Variants in SEMA3E observed in about 807,000 individuals in gnomAD.
The protein encoded by SEMA3E is semaphorin-3E.
In SEMA3E, 49 loss-of-function variants were observed where a neutral mutation model predicts 93.6. The ratio of observed to expected loss-of-function variants is 0.52; its 90% confidence interval spans 0.42 to 0.66. The LOEUF (loss-of-function observed/expected upper bound fraction) is 0.66. SEMA3E is among the 30% of genes least tolerant of loss of function. SEMA3E has a pLI of 0.00. For synonymous variants in SEMA3E, 363 were observed against 330.7 expected, an observed-to-expected ratio of 1.10 and a Z score of -1.06; for missense variants, 906 against 964.8, an observed-to-expected ratio of 0.94 and a Z score of 0.81.
At position 83,423,629 on chromosome 7, in the gene SEMA3E, G is replaced by T. The variant is rs1193443445; in HGVS notation, c.457-5146C>A. Among the ~76,000 whole-genome samples the T allele has an allele frequency of 2.0e-5, 3 of 149,956 alleles. No homozygotes were observed. The Admixed American group carries it at 2.0e-4, about 10-fold the overall frequency. On this transcript the variant is annotated intron_variant, in intron 4 of 16. Transcript: ENST00000643230. ...TGCCATTCTCCTGCCTCAGCCTCCC[G>T]AGTAGCTGGGACTACAGACGCCCAC...
At chr7:83,583,519 A>G (rs1176273823) in intron 1 of SEMA3E, among the ~76,000 whole-genome samples, 3 of 152,082 alleles carry the variant, frequency 2.0e-5, no homozygotes, top group Admixed American at 6.6e-5. Context: ...TCTGCTTACC[A>G]TTCGTTCACT....
intron 11 of SEMA3E, 150 bp downstream of exon 11, chr7:83,399,878 T>C: frequency 1.4e-6 from 1 of 703,892 alleles, no homozygotes; most frequent in Admixed American, 2.2e-5. Flanking sequence ...ACATGAGGTC[T>C]CTATTTCAAT....
At chr7:83,587,622 A>G (rs2115933033) in intron 1 of SEMA3E, among the ~76,000 whole-genome samples, 1 of 152,146 alleles carries the variant, frequency 6.6e-6, no homozygotes, top group South Asian at 2.1e-4. Flanking sequence ...TAGTAGAAAA[A>G]AACTAAAAAC....
chr7:83,513,974 T>C (rs978805800), intron 1 of SEMA3E, among the ~76,000 whole-genome samples: 4 of 152,072 alleles, frequency 2.6e-5, no homozygotes, highest in African/African-American at 9.7e-5. Flanking sequence ...CAGGATGAGA[T>C]AGGAGGTCAG....
intron 4 of SEMA3E, among the ~76,000 whole-genome samples, chr7:83,442,861 T>C (rs1344566866): frequency 2.6e-5 from 4 of 152,154 alleles, no homozygotes; most frequent in Admixed American, 6.5e-5. Flanking sequence ...GTATTTGAAC[T>C]TTAGCACTTT....
intron 10 of SEMA3E, among the ~76,000 whole-genome samples, chr7:83,401,109 A>C (rs534970750): frequency 6.6e-6 from 1 of 152,274 alleles, no homozygotes; most frequent in East Asian, 1.9e-4. Flanking sequence ...TTGACAAAAT[A>C]AACTGGGAAA....
intron 1 of SEMA3E, among the ~76,000 whole-genome samples, chr7:83,590,122 CA>C (rs942923431): frequency 1.2e-4 from 19 of 152,126 alleles, no homozygotes; most frequent in African/African-American, 4.6e-4. Context: ...TCTTAAGATA[CA>C]AGATTAGTAA....
chr7:83,495,055 T>C (rs1371073586), intron 1 of SEMA3E, among the ~76,000 whole-genome samples: 1 of 151,924 alleles, frequency 6.6e-6, no homozygotes, highest in African/African-American at 2.4e-5. Flanking sequence ...TCTGTCTTTA[T>C]CCATGAACAA....
intron 4 of SEMA3E, among the ~76,000 whole-genome samples, chr7:83,434,759 G>A (rs1178194981): frequency 6.9e-6 from 1 of 144,100 alleles, no homozygotes. Flanking sequence ...TGTCGCCCAG[G>A]CTGGAGTGCA....
chr7:83,436,373 A>G (rs1395446254), intron 4 of SEMA3E, among the ~76,000 whole-genome samples: 1 of 151,502 alleles, frequency 6.6e-6, no homozygotes, highest in African/African-American at 2.4e-5. Context: ...AAGAATCAAG[A>G]TTTTTTATAA....
intron 2 of SEMA3E, among the ~76,000 whole-genome samples, chr7:83,481,704 G>A (rs1790149090): frequency 6.6e-6 from 1 of 152,118 alleles, no homozygotes; most frequent in Non-Finnish European, 1.5e-5. Flanking sequence ...GAAAGAGTAT[G>A]ATCACATGGT....
intron 1 of SEMA3E, among the ~76,000 whole-genome samples, chr7:83,525,455 CAT>C (rs1791136241): frequency 6.6e-6 from 1 of 152,002 alleles, no homozygotes; most frequent in African/African-American, 2.4e-5. Flanking sequence ...ACTTCTCTCA[CAT>C]ATGTTCTGTT....
intron 1 of SEMA3E, among the ~76,000 whole-genome samples, chr7:83,629,589 T>C (rs781405966): frequency 6.6e-6 from 1 of 152,166 alleles, no homozygotes; most frequent in Non-Finnish European, 1.5e-5. Flanking sequence ...GTGTTTATAC[T>C]GTGAAGGGAA....
intron 1 of SEMA3E, among the ~76,000 whole-genome samples, chr7:83,632,069 C>T (rs977984322): frequency 6.6e-6 from 1 of 151,360 alleles, no homozygotes; most frequent in Non-Finnish European, 1.5e-5. Context: ...GCAGGAGAAT[C>T]GCTTGAACCT....
At chr7:83,612,175 T>A (rs1034502811) in intron 1 of SEMA3E, among the ~76,000 whole-genome samples, 4 of 152,124 alleles carry the variant, frequency 2.6e-5, no homozygotes, top group Non-Finnish European at 5.9e-5. Context: ...CTAATCCTCT[T>A]AATCTGTTTT....
chr7:83,370,128 C>A (rs1464199043), intron 16 of SEMA3E, among the ~76,000 whole-genome samples: 1 of 152,106 alleles, frequency 6.6e-6, no homozygotes, highest in African/African-American at 2.4e-5. Flanking sequence ...TTTGATAGTA[C>A]TTTTATTCCT....
chr7:83,367,876 C>T lies in SEMA3E; in HGVS notation c.2038G>A (p.Asp680Asn). The T allele has an allele frequency of 6.2e-7, 1 of 1,611,332 alleles. No individual in the cohort carries two copies. Reference protein sequence around the residue: ...LEVVEEEKVEDMFNKDDEEDR... With the variant: ...LEVVEEEKVENMFNKDDEEDR... ...TCCTCATCGTCCTTGTTAAACATATCCTCGACTTTCTCCTCTTCCACTACC... is the reference window on the plus strand; with the variant it reads ...TCCTCATCGTCCTTGTTAAACATATTCTCGACTTTCTCCTCTTCCACTACC... The change falls in exon 17 of 17, where the codon GAT becomes AAT. Residue 680 changes from aspartate (D) to asparagine (N), a missense_variant. By Grantham distance (23) the Asp-to-Asn change is conservative (BLOSUM62 1). Transcript: ENST00000643230.
chr7:83,584,715 C>T (rs1416798376), intron 1 of SEMA3E, among the ~76,000 whole-genome samples: 3 of 152,000 alleles, frequency 2.0e-5, no homozygotes, highest in Non-Finnish European at 4.4e-5. Context: ...TAGATGTAAA[C>T]TTTAAAAAAA....
rs375864492 is a variant in SEMA3E at position 83,606,529 on chromosome 7, G to A, written c.115+41899C>T. Among the ~76,000 whole-genome samples, 1,394 of 144,730 alleles carry A rather than the reference G, an allele frequency of 9.6e-3. 19 individuals carry two copies. Among genetic ancestry groups the A allele is most frequent in the African/African-American group, 0.034 (1,315 of 38,630 alleles). 94.9% of individuals were successfully genotyped at this position (144,730 alleles called of 152,430 possible). On this transcript the variant is annotated intron_variant, in intron 1 of 16. Transcript: ENST00000643230. ...TCGCAAGAACAAAAAACCAAACACC[G>A]CATATTCTCACGCATAGGTGGGAAT... is the stretch of plus-strand genomic sequence containing the variant.
Sources: allele counts gnomAD v4.1 joint callset (sites outside exome capture counted in the v4.1 genomes callset), GRCh38; gene constraint gnomAD v4.1.1; transcripts MANE v1.5; gene names NCBI Gene and HGNC (gene_info 2026-07-23, HGNC 2026-07-21).